QRICH2: variants seen among roughly 807,000 people sequenced by gnomAD.
QRICH2 encodes the protein glutamine rich 2.
QRICH2 carries 119 observed loss-of-function variants against 168.3 expected under a neutral mutation model. The observed-to-expected ratio is 0.71, with a 90% CI of 0.61 to 0.82. The LOEUF (loss-of-function observed/expected upper bound fraction) is 0.82, where lower values mean the gene tolerates loss of function less well. Ranked by LOEUF, QRICH2 falls within the 40% of genes least tolerant of loss-of-function variation. The pLI is 0.00. For synonymous variants in QRICH2, 894 were observed against 951.2 expected (o/e 0.94, Z 1.11); for missense variants, 2,241 against 2,491.6 (o/e 0.90, Z 2.14).
intron 15 of QRICH2, among the ~76,000 whole-genome samples, 175 bp downstream of exon 15, chr17:76,277,814 A>G (rs1215013186): frequency 1.3e-5 from 2 of 151,928 alleles, no homozygotes; most frequent in Non-Finnish European, 2.9e-5. Flanking sequence ...CCATAGACAC[A>G]TGGCTTACAC....
At chr17:76,279,505 C>G (rs1012237696) in intron 12 of QRICH2, 77 bp from the exon 13 acceptor site, 28 of 1,163,108 alleles carry the variant, frequency 2.4e-5, no homozygotes, top group Non-Finnish European at 3.3e-5. Flanking sequence ...TCTGCAGGCC[C>G]CTGGAAGCTC....
chr17:76,285,973 C>A (rs994251514), intron 7 of QRICH2, among the ~76,000 whole-genome samples: 1 of 152,080 alleles, frequency 6.6e-6, no homozygotes, highest in African/African-American at 2.4e-5. Context: ...GAGATTGAGA[C>A]CATCCTGGCT....
chr17:76,307,487 G>T lies in QRICH2; in HGVS notation c.512C>A (p.Ala171Asp). The T allele has an allele frequency of 6.2e-7, 1 of 1,613,824 alleles. No homozygotes were observed. The highest frequency in any genetic ancestry group is 8.5e-7 in the Non-Finnish European group (1 of 1,179,848). Reference sequence around the variant, plus strand: ...CACCCTGGCAAAGCTGAGCTCCTCGGCGGCGTCCTTCATGATACTCCCAGT... The same window carrying T: ...CACCCTGGCAAAGCTGAGCTCCTCGTCGGCGTCCTTCATGATACTCCCAGT... ...VRTGSIMKDA[A>D]EELSFARVLL... is the part of the protein sequence containing the mutation. The change falls in exon 1 of 19, where the codon GCC (alanine) becomes GAC (aspartate). Residue 171 changes from alanine to aspartate, a missense_variant. Physicochemically the swap from Ala to Asp is moderately radical, Grantham distance 126. Around this residue, in one of 3 missense-constraint regions of QRICH2, gnomAD observed 2,047 missense variants for 2,303.8 expected, o/e 0.89. Transcript: ENST00000680821. The surrounding 1 kb of genome is among the most constrained non-coding windows in gnomAD (Gnocchi z 5.3).
chr17:76,301,163 GC>G (rs1283053764), intron 3 of QRICH2, among the ~76,000 whole-genome samples: 3 of 152,134 alleles, frequency 2.0e-5, no homozygotes, highest in African/African-American at 7.2e-5. Context: ...GTTGCAGTAA[GC>G]CCTTATGGTA....
Position 76,280,026 on chromosome 17 carries a change from G to T in QRICH2, c.4748+7C>A, listed in dbSNP as rs375388987. Reference sequence around the variant, plus strand: ...GCCAGCCTCCTCCCCTGCCTCCCAGGCCTCACCTCCGCATGGCAGCCGCCT... The same window carrying T: ...GCCAGCCTCCTCCCCTGCCTCCCAGTCCTCACCTCCGCATGGCAGCCGCCT... On this transcript the variant is annotated splice_region_variant and intron_variant, in intron 12 of 18. Coordinates refer to ENST00000680821, the MANE Select transcript of QRICH2 (RefSeq NM_001388453.1). This position sits in a 1 kb window ranked among gnomAD's most constrained non-coding sequence, Gnocchi z 7.4. The T allele has an allele frequency of 6.2e-7, 1 of 1,604,284 alleles. No homozygotes were observed. The highest frequency in any genetic ancestry group is 8.5e-7 in the Non-Finnish European group (1 of 1,175,090).
upstream of QRICH2, among the ~76,000 whole-genome samples, chr17:76,308,863 A>T (rs1228229647): frequency 1.3e-5 from 2 of 151,702 alleles, no homozygotes; most frequent in Non-Finnish European, 2.9e-5. Context: ...CTCCTGCCTC[A>T]GCCTCCCGAG....
In QRICH2 at chr17:76,278,069, G is replaced by C. The variant is rs202209465; in HGVS notation, c.5037C>G (p.Phe1679Leu). 2.5e-6 allele frequency: 4 copies of C among 1,613,780 alleles called. No individual in the cohort carries two copies. Among genetic ancestry groups the C allele is most frequent in the Non-Finnish European group, 3.4e-6 (4 of 1,180,036 alleles). ...LMNIEKVQIH[F>L]GGSTKASSQI... ...GGCTGCTGGCCTTGGTGGAGCCCCCGAAGTGGATCTGCACCTTCTCAATGT... is the reference window on the plus strand; with the variant it reads ...GGCTGCTGGCCTTGGTGGAGCCCCCCAAGTGGATCTGCACCTTCTCAATGT... The change falls in exon 15 of 19, where the codon TTC becomes TTG. Residue 1679 changes from phenylalanine (F) to leucine (L), a missense_variant. Physicochemically the swap from Phe to Leu is conservative, Grantham distance 22 (BLOSUM62 0). This residue lies in a region of QRICH2 where 2,047 missense variants were observed against 2,303.8 expected (regional missense o/e 0.89). Transcript: ENST00000680821.
At chr17:76,290,926 A>G (rs2070974613) in intron 4 of QRICH2, 89 bp downstream of exon 4, 1 of 1,538,006 alleles carries the variant, frequency 6.5e-7, no homozygotes, top group Non-Finnish European at 8.8e-7. Context: ...GATGTGTAGC[A>G]GCCAGGAGTT....
At chr17:76,299,690 T>C (rs1388407728) in intron 3 of QRICH2, among the ~76,000 whole-genome samples, 1 of 151,662 alleles carries the variant, frequency 6.6e-6, no homozygotes, top group Admixed American at 6.6e-5. Context: ...TGAGCCAAGA[T>C]TGCGCCACTG....
rs149174648 is a variant in QRICH2 at position 76,277,266 on chromosome 17, C to T, written c.5162G>A (p.Arg1721His). The change falls in exon 16 of 19, where the codon CGC (arginine) becomes CAC (histidine). Residue 1721 changes from arginine (R) to histidine (H), a missense_variant. Transcript: ENST00000680821. ...ADYTYSTVPR[R>H]CGGSHTLTYP... ...GGTGAGGGTGTGGCTGCCCCCGCAG[C>T]GCCGGGGCACAGTTGAGTAGGTGTA... The T allele has an allele frequency of 3.4e-5, 54 of 1,601,116 alleles. No individual in the cohort carries two copies. In the African/African-American group the frequency reaches 5.8e-4, roughly 17 times the overall value.
chr17:76,304,879 T>A lies in QRICH2; in HGVS notation c.594+3A>T. 1 of 1,609,134 alleles carries A rather than the reference T, an allele frequency of 6.2e-7. No individual in the cohort carries two copies. Among genetic ancestry groups the A allele is most frequent in the Non-Finnish European group, 8.5e-7 (1 of 1,175,466 alleles). ...CCTTTCCCATGGAACTGGCTGGTATTACCAGGAATTGCTCCCGATCTTTGA... is the reference window on the plus strand; with the variant it reads ...CCTTTCCCATGGAACTGGCTGGTATAACCAGGAATTGCTCCCGATCTTTGA... On this transcript the variant is annotated splice_donor_region_variant and intron_variant, in intron 2 of 18. Coordinates refer to ENST00000680821, the MANE Select transcript of QRICH2 (RefSeq NM_001388453.1).
chr17:76,307,592 T>C lies in QRICH2; in HGVS notation c.407A>G (p.Gln136Arg). The C allele has an allele frequency of 6.4e-7, 1 of 1,555,912 alleles. No individual in the cohort carries two copies. The highest frequency in any genetic ancestry group is 1.2e-5 in the South Asian group (1 of 84,292). ...GIATHVQHFS[Q>R]ASGLDLAALE... The stretch of plus-strand genomic sequence containing the variant: ...CGCGGCCAGGTCAAGCCCGCTGGCC[T>C]GGGAGAAGTGCTGCACGTGCGTGGC... Residue 136 changes from glutamine to arginine, a missense_variant, in exon 1 of 19, where the codon CAG becomes CGG. Gln to Arg is a conservative substitution (Grantham distance 43, BLOSUM62 1). This residue lies in a region of QRICH2 where 2,047 missense variants were observed against 2,303.8 expected (regional missense o/e 0.89). Transcript: ENST00000680821. This position sits in a 1 kb window ranked among gnomAD's most constrained non-coding sequence, Gnocchi z 5.3.
At position 76,281,067 on chromosome 17, in the gene QRICH2, G is replaced by A; in HGVS notation, c.4264-114C>T. 2 of 1,418,002 alleles carry A rather than the reference G, an allele frequency of 1.4e-6. No homozygotes were observed. 87.8% of individuals were successfully genotyped at this position (1,418,002 alleles called of 1,614,324 possible). ...GCCCTTAAAACATCTGCAAGGCTGG[G>A]AGCGGTGGCTCATGCCTGTAGTCCT... On this transcript the variant is annotated intron_variant, in intron 8 of 18. Coordinates refer to ENST00000680821, the MANE Select transcript of QRICH2 (RefSeq NM_001388453.1). This position sits in a 1 kb window ranked among gnomAD's most constrained non-coding sequence, Gnocchi z 4.4.
At chr17:76,296,009 G>C (rs1450195028) in intron 3 of QRICH2, among the ~76,000 whole-genome samples, 1 of 152,198 alleles carries the variant, frequency 6.6e-6, no homozygotes, top group African/African-American at 2.4e-5. Context: ...TGGATCATGA[G>C]GTCAGGAGTT....
At chr17:76,305,153 T>G (rs1041517084) in intron 1 of QRICH2, among the ~76,000 whole-genome samples, 45 of 145,972 alleles carry the variant, frequency 3.1e-4, no homozygotes, top group Middle Eastern at 3.5e-3. Context: ...CTACTTGGGT[T>G]TTTTTGGTTT....
At chr17:76,284,740 C>T (rs1368257053) in intron 7 of QRICH2, among the ~76,000 whole-genome samples, 4 of 151,436 alleles carry the variant, frequency 2.6e-5, no homozygotes, top group African/African-American at 9.7e-5. Flanking sequence ...ATCACTTGAA[C>T]TCAGAGGGCG....
At position 76,274,111 on chromosome 17, in the gene QRICH2, T is replaced by C. The variant is rs2070625942; in HGVS notation, c.5632A>G (p.Thr1878Ala). 3.2e-6 allele frequency: 5 copies of C among 1,584,472 alleles called. No homozygotes were observed. The highest frequency in any genetic ancestry group is 1.4e-5 in the African/African-American group (1 of 72,574). Reference sequence around the variant, plus strand: ...GCGGTGCTGGACCGCGGCCCCCGCGTGGGCTCCTCGAGCCCCTCCCCAGGA... The same window carrying C: ...GCGGTGCTGGACCGCGGCCCCCGCGCGGGCTCCTCGAGCCCCTCCCCAGGA... ...MPPGEGLEEP[T>A]RGPRSSTAQ The change falls in exon 19 of 19, where the codon ACG (threonine) becomes GCG (alanine). Residue 1878 changes from threonine to alanine, a missense_variant. Thr to Ala is a moderately conservative substitution (Grantham distance 58). Transcript: ENST00000680821.
At chr17:76,276,165 G>GC (rs2070675788) in intron 17 of QRICH2, among the ~76,000 whole-genome samples, 1 of 126,920 alleles carries the variant, frequency 7.9e-6, no homozygotes, top group African/African-American at 3.3e-5. Context: ...CTGAGGACCT[G>GC]CACACGTCAG....
chr17:76,292,575 T>C lies in QRICH2; in HGVS notation c.2152A>G (p.Ser718Gly). The change falls in exon 4 of 19, where the codon AGT becomes GGT. Residue 718 changes from serine to glycine, a missense_variant. Ser to Gly is a moderately conservative substitution (Grantham distance 56). Coordinates refer to ENST00000680821, the MANE Select transcript of QRICH2 (RefSeq NM_001388453.1). ...HGLVQSGADQSDLAQPGAVQH... is the reference protein window; with the variant it reads ...HGLVQSGADQGDLAQPGAVQH... ...ACTGCACCAGGTTGAGCCAAATCACTCTGATCTGCACCAGATTGTACCAAA... is the reference window on the plus strand; with the variant it reads ...ACTGCACCAGGTTGAGCCAAATCACCCTGATCTGCACCAGATTGTACCAAA... The C allele has an allele frequency of 7.5e-6, 12 of 1,608,258 alleles. No homozygotes were observed. The highest frequency in any genetic ancestry group is 1.0e-5 in the Non-Finnish European group (12 of 1,178,318).
Sources: allele counts gnomAD v4.1 joint callset (sites outside exome capture counted in the v4.1 genomes callset), GRCh38; gene constraint gnomAD v4.1.1; regional missense constraint gnomAD v4.1.1; non-coding constraint Gnocchi (gnomAD v3.1); transcripts MANE v1.5; gene names NCBI Gene and HGNC (gene_info 2026-07-23, HGNC 2026-07-21).